The following KLHL29 variants were observed in gnomAD, a reference collection of about 807,000 sequenced individuals.
KLHL29 encodes kelch like family member 29.
Under a neutral mutation model 80.4 loss-of-function variants are expected in KLHL29, and 21 were observed. The observed-to-expected ratio is 0.26, with a 90% CI of 0.19 to 0.38. The LOEUF (loss-of-function observed/expected upper bound fraction) is 0.38. Among genes scored for constraint, KLHL29 ranks in the 10% least tolerant of loss-of-function variants. The pLI, the probability that KLHL29 is intolerant of heterozygous loss-of-function variation, is 1.00. For missense variants in KLHL29, 867 were observed against 1,223.9 expected (o/e 0.71, Z 4.35); for synonymous variants, 511 against 526.8 (o/e 0.97, Z 0.41).
chr2:23,594,261 T>G (rs1169257507), intron 3 of KLHL29, among the ~76,000 whole-genome samples: 2 of 152,108 alleles, frequency 1.3e-5, no homozygotes, highest in Non-Finnish European at 2.9e-5. Context: ...GATTTCATGG[T>G]AAAGCCGGGC....
chr2:23,397,880 TG>T (rs766017267), intron 1 of KLHL29, among the ~76,000 whole-genome samples: 3 of 152,136 alleles, frequency 2.0e-5, no homozygotes, highest in Non-Finnish European at 4.4e-5. Flanking sequence ...CACTAATCAT[TG>T]GGGAAATGGA....
intron 2 of KLHL29, among the ~76,000 whole-genome samples, chr2:23,479,231 G>A (rs967239125): frequency 1.8e-4 from 27 of 151,676 alleles, no homozygotes; most frequent in East Asian, 3.9e-4. Context: ...TGAAAAGGCC[G>A]TGTGACCACA....
chr2:23,644,925 C>T (rs574833300), intron 5 of KLHL29, among the ~76,000 whole-genome samples: 1 of 152,224 alleles, frequency 6.6e-6, no homozygotes, highest in South Asian at 2.1e-4. Context: ...TAGCCAGTGA[C>T]AACAACTGAC....
At chr2:23,498,267 T>G (rs1057115889) in intron 2 of KLHL29, among the ~76,000 whole-genome samples, 10 of 152,162 alleles carry the variant, frequency 6.6e-5, no homozygotes, top group Admixed American at 2.0e-4. Flanking sequence ...AATCAAGAAG[T>G]CTGAGATATG....
chr2:23,482,069 AGTC>A (rs1396258734), intron 2 of KLHL29, among the ~76,000 whole-genome samples: 122 of 152,284 alleles, frequency 8.0e-4, no homozygotes, highest in African/African-American at 2.8e-3. Flanking sequence ...CGCTGCCCTC[AGTC>A]CCATGCTAAA....
chr2:23,498,949 T>C (rs1665352462), intron 2 of KLHL29, among the ~76,000 whole-genome samples: 1 of 152,132 alleles, frequency 6.6e-6, no homozygotes, highest in Non-Finnish European at 1.5e-5. Flanking sequence ...GAAATTATCC[T>C]GAAAATCAGA....
chr2:23,560,584 A>T (rs1473679431), intron 2 of KLHL29, among the ~76,000 whole-genome samples: 1 of 152,194 alleles, frequency 6.6e-6, no homozygotes, highest in Non-Finnish European at 1.5e-5. Flanking sequence ...AGACTTTTTA[A>T]AAAGAATTTT....
intron 5 of KLHL29, among the ~76,000 whole-genome samples, chr2:23,678,179 T>C (rs1244893192): frequency 6.6e-6 from 1 of 152,220 alleles, no homozygotes; most frequent in Non-Finnish European, 1.5e-5. Flanking sequence ...CCAGCCTTGG[T>C]TCTGTTTGTG....
At chr2:23,698,488 A>AG (rs1242564043) in intron 11 of KLHL29, among the ~76,000 whole-genome samples, 9 of 152,274 alleles carry the variant, frequency 5.9e-5, no homozygotes, top group Admixed American at 5.2e-4. Flanking sequence ...GACAGACACG[A>AG]GGGGGCTTTG....
chr2:23,541,450 C>A (rs1488566141), intron 2 of KLHL29, among the ~76,000 whole-genome samples: 1 of 152,224 alleles, frequency 6.6e-6, no homozygotes, highest in African/African-American at 2.4e-5. Flanking sequence ...TCAGCCCTGC[C>A]AGACCATGGG....
At chr2:23,510,832 C>T (rs777811416) in intron 2 of KLHL29, among the ~76,000 whole-genome samples, 5 of 152,230 alleles carry the variant, frequency 3.3e-5, no homozygotes, top group South Asian at 2.1e-4. Context: ...GACAGGCGGC[C>T]GAGTCAGGAC....
intron 2 of KLHL29, among the ~76,000 whole-genome samples, chr2:23,484,718 C>G (rs923677616): frequency 1.3e-5 from 2 of 152,224 alleles, no homozygotes; most frequent in Non-Finnish European, 2.9e-5. Context: ...GAAATGCATT[C>G]GCGGTGCTCT....
chr2:23,397,830 A>G (rs1390252126), intron 1 of KLHL29, among the ~76,000 whole-genome samples: 1 of 152,252 alleles, frequency 6.6e-6, no homozygotes, highest in Non-Finnish European at 1.5e-5. Flanking sequence ...CAGAGAAGGT[A>G]TACCAATGGC....
chr2:23,631,486 G>T (rs1355576046), intron 3 of KLHL29, among the ~76,000 whole-genome samples: 1 of 152,078 alleles, frequency 6.6e-6, no homozygotes, highest in African/African-American at 2.4e-5. Context: ...TCATTGGTTA[G>T]TATTATTAGA....
intron 3 of KLHL29, among the ~76,000 whole-genome samples, chr2:23,635,634 T>C (rs900082991): frequency 6.6e-6 from 1 of 152,268 alleles, no homozygotes; most frequent in Non-Finnish European, 1.5e-5. Flanking sequence ...AAAAAGCTGC[T>C]GCGTTAATGA....
At chr2:23,476,778 C>A (rs1326536266) in intron 2 of KLHL29, among the ~76,000 whole-genome samples, 2 of 152,216 alleles carry the variant, frequency 1.3e-5, no homozygotes, top group African/African-American at 2.4e-5. Context: ...ACTTTTGACT[C>A]CAGGTTCTCC....
chr2:23,434,054 G>T (rs1376859570), intron 1 of KLHL29, among the ~76,000 whole-genome samples: 1 of 151,876 alleles, frequency 6.6e-6, no homozygotes, highest in East Asian at 1.9e-4. Flanking sequence ...GGGCGCGGTG[G>T]CTCACGCCTG....
At chr2:23,469,424 G>A (rs1664436601) in intron 1 of KLHL29, among the ~76,000 whole-genome samples, 1 of 152,228 alleles carries the variant, frequency 6.6e-6, no homozygotes, top group Admixed American at 6.5e-5. Flanking sequence ...GGCATCTAAT[G>A]AGGGAGAGAA....
At position 23,703,210 on chromosome 2, in the gene KLHL29, G is replaced by C; in HGVS notation, c.2130G>C (p.Trp710Cys). The change falls in exon 12 of 14, where the codon TGG becomes TGC. Residue 710 changes from tryptophan (W) to cysteine (C), a missense_variant. Trp to Cys is a radical substitution (Grantham distance 215). Transcript: ENST00000486442. ...GGTACGACACCATCACCAACCAATG[G>C]GAGGCGGTGGCCCCTCTGCCCAAGG... ...VERYDTITNQ[W>C]EAVAPLPKAV... 1 of 1,464,728 alleles carries C rather than the reference G, an allele frequency of 6.8e-7. No homozygotes were observed. The highest frequency in any genetic ancestry group is 9.1e-7 in the Non-Finnish European group (1 of 1,104,628). 90.7% of individuals were successfully genotyped at this position (1,464,728 alleles called of 1,614,324 possible).
Sources: allele counts gnomAD v4.1 joint callset (sites outside exome capture counted in the v4.1 genomes callset), GRCh38; gene constraint gnomAD v4.1.1; transcripts MANE v1.5; gene names NCBI Gene and HGNC (gene_info 2026-07-23, HGNC 2026-07-21).